Variants in ARFGEF2 observed in about 807,000 individuals in gnomAD.
ARFGEF2 encodes the protein ARF guanine nucleotide exchange factor 2, also known as brefeldin A-inhibited guanine nucleotide-exchange protein 2.
A neutral mutation model predicts 219.9 loss-of-function variants in ARFGEF2; 74 were observed. The observed-to-expected ratio is 0.34, with a 90% CI of 0.28 to 0.41. The LOEUF (loss-of-function observed/expected upper bound fraction) is 0.41, where lower values mean the gene tolerates loss of function less well. Among genes scored for constraint, ARFGEF2 ranks in the 10% least tolerant of loss-of-function variants. The probability of loss-of-function intolerance (pLI) is 1.00; values close to 1 mark genes in which losing one functional copy is unlikely to be tolerated. For synonymous variants in ARFGEF2, 733 were observed against 799.2 expected (o/e 0.92, Z 1.40); for missense variants, 1,743 against 2,218.3 (o/e 0.79, Z 4.30).
At chr20:49,003,800 C>T (rs1307882819) in intron 25 of ARFGEF2, among the ~76,000 whole-genome samples, 1 of 152,018 alleles carries the variant, frequency 6.6e-6, no homozygotes, top group Non-Finnish European at 1.5e-5. Flanking sequence ...AATATTTACC[C>T]ATAACTCCAG....
At chr20:48,922,041 C>A in intron 1 of ARFGEF2, 31 bp downstream of exon 1, 1 of 1,564,596 alleles carries the variant, frequency 6.4e-7, no homozygotes, top group Non-Finnish European at 8.7e-7. Context: ...CTGCCCCGCG[C>A]TGGCCTCAGC....
At chr20:48,946,666 C>T (rs1400567235) in intron 3 of ARFGEF2, among the ~76,000 whole-genome samples, 1 of 151,942 alleles carries the variant, frequency 6.6e-6, no homozygotes, top group Non-Finnish European at 1.5e-5. Context: ...GCTGGGACCA[C>T]GGGCTAATTT....
At chr20:48,968,995 A>C (rs3764684) in intron 8 of ARFGEF2, 152 bp from the exon 9 acceptor site, 4 of 727,748 alleles carry the variant, frequency 5.5e-6, no homozygotes, top group Non-Finnish European at 9.9e-6. Context: ...CGGTCTCACT[A>C]TGTTCCCCAG....
intron 20 of ARFGEF2, 134 bp downstream of exon 20, chr20:48,989,818 A>G (rs2091347235): frequency 6.0e-6 from 8 of 1,334,308 alleles, no homozygotes; most frequent in Non-Finnish European, 7.3e-6. Context: ...CCTACTGACA[A>G]GAAATCCGTA....
Position 48,963,884 on chromosome 20 carries a change from C to T in ARFGEF2, c.893C>T (p.Thr298Ile). ...VVKDILEDVV[T>I]SAIKEAAEKH... ...AAGGACATCTTGGAAGATGTAGTCA[C>T]ATCTGCCATTAAAGGTAAGAACCAA... Residue 298 changes from threonine (T) to isoleucine (I), a missense_variant, in exon 7 of 39, where the codon ACA (threonine) becomes ATA (isoleucine). Around this residue, in one of 5 missense-constraint regions of ARFGEF2, gnomAD observed 394 missense variants for 426.6 expected, o/e 0.92. Transcript: ENST00000371917. 6.2e-7 allele frequency: 1 copy of T among 1,613,944 alleles called. No homozygotes were observed. Among genetic ancestry groups the T allele is most frequent in the Non-Finnish European group, 8.5e-7 (1 of 1,179,922 alleles).
At chr20:48,939,228 C>G (rs1425151814) in intron 1 of ARFGEF2, among the ~76,000 whole-genome samples, 1 of 152,030 alleles carries the variant, frequency 6.6e-6, no homozygotes, top group Non-Finnish European at 1.5e-5. Context: ...CTGCCTCGGC[C>G]TCCCAAAATG....
chr20:48,976,077 G>T lies in ARFGEF2; in HGVS notation c.1836G>T (p.Arg612=). ...GGAAAGGCCTTGACATGGCAAGACG[G>T]TGTAGTGTGACGTCCATGGAGTCCA... The part of the protein sequence containing the change: ...GDGKGLDMAR[R]CSVTSMESTV... The change falls in exon 14 of 39, where the codon CGG becomes CGT. Residue 612 remains arginine, a synonymous_variant. Transcript: ENST00000371917. 2.5e-6 allele frequency: 4 copies of T among 1,613,294 alleles called. No individual in the cohort carries two copies. The highest frequency in any genetic ancestry group is 2.5e-6 in the Non-Finnish European group (3 of 1,180,020).
chr20:48,982,529 G>A (rs1164768175), intron 14 of ARFGEF2, among the ~76,000 whole-genome samples: 1 of 152,174 alleles, frequency 6.6e-6, no homozygotes, highest in East Asian at 1.9e-4. Flanking sequence ...ACTGCTGAGA[G>A]CTGTCAGACA....
chr20:48,974,118 A>ATTTT (rs57941437), intron 12 of ARFGEF2, among the ~76,000 whole-genome samples: 784 of 70,052 alleles, frequency 0.011, 36 homozygotes, highest in African/African-American at 0.018. Flanking sequence ...TTGAGTGTGA[A>ATTTT]TTTTTTTTTT....
At chr20:48,947,701 A>G (rs1568697288) in intron 3 of ARFGEF2, among the ~76,000 whole-genome samples, 1 of 152,136 alleles carries the variant, frequency 6.6e-6, no homozygotes, top group African/African-American at 2.4e-5. Flanking sequence ...CTAAAAATAC[A>G]AAAAATTAGC....
chr20:49,035,373 G>C lies in ARFGEF2; in HGVS notation c.*2174G>C, dbSNP rs1428421454. 1.3e-5 allele frequency: 2 copies of C among 152,144 alleles called. No individual in the cohort carries two copies. The highest frequency in any genetic ancestry group is 2.4e-5 in the African/African-American group (1 of 41,440). The allele number at this position is 152,144 out of a possible 1,614,324, so 9.4% of individuals were successfully genotyped here. On this transcript the variant is annotated 3_prime_UTR_variant, in exon 39 of 39. Transcript: ENST00000371917. ...TTCTTATTAGTTTAGTATTTTAAAA[G>C]ATTTAATTTTCTGAATGAGGCATTT... is the stretch of plus-strand genomic sequence containing the variant.
At chr20:48,969,845 C>T (rs999285832) in intron 9 of ARFGEF2, among the ~76,000 whole-genome samples, 5 of 152,180 alleles carry the variant, frequency 3.3e-5, no homozygotes, top group African/African-American at 1.2e-4. Context: ...TGCCAAGCCT[C>T]ATCTGAAAAA....
chr20:48,956,417 T>C (rs2091105947), intron 6 of ARFGEF2, among the ~76,000 whole-genome samples: 1 of 152,184 alleles, frequency 6.6e-6, no homozygotes, highest in Admixed American at 6.5e-5. Flanking sequence ...CCCAGCACTT[T>C]GGGAGGCCAA....
chr20:48,965,990 T>A lies in ARFGEF2; in HGVS notation c.1026T>A (p.Asp342Glu). 2 of 1,614,172 alleles carry A rather than the reference T, an allele frequency of 1.2e-6. No individual in the cohort carries two copies. Among genetic ancestry groups the A allele is most frequent in the Non-Finnish European group, 1.7e-6 (2 of 1,179,994 alleles). Residue 342 changes from aspartate (D) to glutamate (E), a missense_variant, in exon 8 of 39, where the codon GAT (aspartate) becomes GAA (glutamate). Asp to Glu is a conservative substitution (Grantham distance 45). This residue lies in a region of ARFGEF2 where 394 missense variants were observed against 426.6 expected (regional missense o/e 0.92). Transcript: ENST00000371917. ...DENSQTNGIA[D>E]DRQSLSSADN... Reference sequence around the variant, plus strand: ...ACTCACAGACCAACGGGATAGCCGATGACAGGCAGTCCTTGTCGTCAGCAG... The same window carrying A: ...ACTCACAGACCAACGGGATAGCCGAAGACAGGCAGTCCTTGTCGTCAGCAG...
intron 13 of ARFGEF2, among the ~76,000 whole-genome samples, chr20:48,975,426 A>G (rs1209811081): frequency 1.3e-5 from 2 of 152,158 alleles, no homozygotes; most frequent in Non-Finnish European, 2.9e-5. Flanking sequence ...GGTATCTTGT[A>G]GGGCAAGTCC....
At chr20:48,982,696 G>T (rs1275656714) in intron 14 of ARFGEF2, among the ~76,000 whole-genome samples, 2 of 152,198 alleles carry the variant, frequency 1.3e-5, no homozygotes, top group African/African-American at 4.8e-5. Flanking sequence ...TCAAGCCTCA[G>T]CAATGGCAGA....
At chr20:49,028,406 C>A in intron 36 of ARFGEF2, 124 bp from the exon 37 acceptor site, 1 of 1,098,804 alleles carries the variant, frequency 9.1e-7, no homozygotes, top group African/African-American at 1.6e-5. Flanking sequence ...GGTGACAGAG[C>A]AAGACTATCT....
chr20:49,005,049 T>G, intron 25 of ARFGEF2, 21 bp from the exon 26 acceptor site: 5 of 1,614,150 alleles, frequency 3.1e-6, no homozygotes, highest in Non-Finnish European at 4.2e-6. Flanking sequence ...CTGTTTCACA[T>G]CAGTTCCTGT....
intron 3 of ARFGEF2, 121 bp downstream of exon 3, chr20:48,942,108 A>G (rs1268903785): frequency 2.3e-6 from 3 of 1,331,904 alleles, no homozygotes; most frequent in Non-Finnish European, 2.1e-6. Context: ...TGCAGAAAGG[A>G]GCAGTTTAAC....
Sources: gnomAD v4.1 joint callset for allele counts (sites outside exome capture counted in the v4.1 genomes callset) on GRCh38, gnomAD v4.1.1 for gene constraint, gnomAD v4.1.1 regional missense constraint, MANE v1.5 for transcripts, NCBI Gene and HGNC (gene_info 2026-07-23, HGNC 2026-07-21) for gene names.